Variants in BCAP31 observed in about 807,000 individuals in gnomAD.
BCAP31 encodes the protein B-cell receptor-associated protein 31.
For synonymous variants in BCAP31, 75 were observed against 80.9 expected (o/e 0.93, Z 0.39); for missense variants, 124 against 193.0 (o/e 0.64, Z 2.12).
At chrX:153,710,120 G>C (rs1274424099) in intron 4 of BCAP31, among the ~76,000 whole-genome samples, 1 of 112,111 alleles carries the variant, frequency 8.9e-6, no homozygotes, top group Non-Finnish European at 1.9e-5. Flanking sequence ...TGTGTTACGT[G>C]AGGCTCTCCC....
intron 1 of BCAP31, chrX:153,723,620 A>G (rs1557051585): frequency 2.6e-6 from 3 of 1,166,750 alleles, no homozygotes; most frequent in African/African-American, 1.8e-5. Flanking sequence ...GTTCTTCGGG[A>G]AGAGCAGTGC....
chrX:153,711,566 C>T (rs1450900648), intron 4 of BCAP31, among the ~76,000 whole-genome samples: 1 of 112,228 alleles, frequency 8.9e-6, no homozygotes, highest in East Asian at 2.8e-4. Context: ...TGAGTACCTG[C>T]TCGCGTTCAA....
Position 153,715,784 on chromosome X carries a change from C to T in BCAP31, c.194-95G>A. 1.5e-5 allele frequency: 15 copies of T among 1,003,867 alleles called. No individual in the cohort carries two copies. In the South Asian group the frequency reaches 3.1e-4, roughly 21 times the overall value. 82.7% of individuals were successfully genotyped at this position (1,003,867 alleles called of 1,213,427 possible). A position where few individuals can be genotyped will look rare whatever the true frequency, so the allele number is the denominator to read the frequency against. ...GACAGGCGGCATGAGACAGGTCAGA[C>T]TCACTTCCCTCAAATCCGCCTCCCC... is the stretch of plus-strand genomic sequence containing the variant. On this transcript the variant is annotated intron_variant, in intron 3 of 7. Coordinates refer to ENST00000345046, the MANE Select transcript of BCAP31 (RefSeq NM_001256447.2).
At chrX:153,717,149 A>G (rs1184554302) in intron 3 of BCAP31, among the ~76,000 whole-genome samples, 1 of 112,429 alleles carries the variant, frequency 8.9e-6, no homozygotes, top group Non-Finnish European at 1.9e-5. Flanking sequence ...CTTTTATACT[A>G]TATTCCCAGG....
chrX:153,715,511 A>G, intron 4 of BCAP31, 31 bp downstream of exon 4: 1 of 1,206,041 alleles, frequency 8.3e-7, no homozygotes, highest in Non-Finnish European at 1.1e-6. Context: ...GGCTCCTTTC[A>G]CAGCACCTGC....
At chrX:153,716,011 A>C (rs1210669060) in intron 3 of BCAP31, among the ~76,000 whole-genome samples, 3 of 109,810 alleles carry the variant, frequency 2.7e-5, no homozygotes, top group Non-Finnish European at 5.7e-5. Flanking sequence ...TACAAAAAAA[A>C]AAAATTTAGC....
chrX:153,720,979 A>G lies in BCAP31; in HGVS notation c.93-7T>C, dbSNP rs1180153884. The G allele has an allele frequency of 1.7e-6, 2 of 1,204,770 alleles. No homozygotes were observed. Among genetic ancestry groups the G allele is most frequent in the South Asian group, 1.8e-5 (1 of 56,673 alleles). On this transcript the variant is annotated splice_region_variant and splice_polypyrimidine_tract_variant and intron_variant, in intron 2 of 7. Coordinates refer to ENST00000345046, the MANE Select transcript of BCAP31 (RefSeq NM_001256447.2). The stretch of plus-strand genomic sequence containing the variant: ...CTTGAAAATCTTCTGCCATCTGTGA[A>G]GAAGACAAAAAGGACAGGAGTTGAA...
chrX:153,721,064 C>G, intron 2 of BCAP31, 92 bp from the exon 3 acceptor site: 1 of 751,816 alleles, frequency 1.3e-6, no homozygotes, highest in South Asian at 2.6e-5. Context: ...GCTTTGTACT[C>G]TTCTCCAATG....
chrX:153,720,873 G>A lies in BCAP31; in HGVS notation c.192C>T (p.Ile64=), dbSNP rs782139553. The A allele has an allele frequency of 3.9e-4, 476 of 1,209,278 alleles. 1 individual carries two copies. The South Asian group carries it at 7.9e-3, about 20-fold the overall frequency. The part of the protein sequence containing the change: ...VLIVILVLLV[I]DAVREIRKYD... ...TGCCCTCAGCCATAGCTCACTCACC[G>A]ATGACCAACAGCACAAGGATGACAA... The change falls in exon 3 of 8, where the codon ATC becomes ATT. Residue 64 remains isoleucine, a splice_region_variant and synonymous_variant. Coordinates refer to ENST00000345046, the MANE Select transcript of BCAP31 (RefSeq NM_001256447.2).
chrX:153,716,024 G>A (rs1023196691), intron 3 of BCAP31, among the ~76,000 whole-genome samples: 2 of 109,810 alleles, frequency 1.8e-5, no homozygotes, highest in East Asian at 2.9e-4. Context: ...AATTTAGCCC[G>A]GCGTGGTGGT....
chrX:153,701,889 G>T (rs1349146087), intron 7 of BCAP31, 118 bp downstream of exon 7: 7 of 607,118 alleles, frequency 1.2e-5, no homozygotes, highest in Non-Finnish European at 1.8e-5. Flanking sequence ...TGGCCAGGGG[G>T]AGTGGTGGAG....
chrX:153,707,320 C>G (rs1182824635), intron 4 of BCAP31, among the ~76,000 whole-genome samples: 1 of 109,647 alleles, frequency 9.1e-6, no homozygotes, highest in Non-Finnish European at 1.9e-5. Context: ...CTCTGCACTC[C>G]CATACCTGGC....
intron 4 of BCAP31, among the ~76,000 whole-genome samples, chrX:153,708,550 G>A (rs1276643997): frequency 5.3e-5 from 6 of 112,929 alleles, no homozygotes; most frequent in Non-Finnish European, 9.4e-5. Context: ...GTGTCCCAGC[G>A]CCACCTGCTG....
chrX:153,702,801 TG>T, intron 6 of BCAP31, 133 bp downstream of exon 6: 1 of 928,959 alleles, frequency 1.1e-6, no homozygotes, highest in South Asian at 2.4e-5. Context: ...AGGGTGCTAT[TG>T]GTCTGTTTTC....
chrX:153,713,881 CTTTTTTTTTT>C (rs1209475410), intron 4 of BCAP31, among the ~76,000 whole-genome samples: 1 of 63,532 alleles, frequency 1.6e-5, no homozygotes, highest in Non-Finnish European at 2.8e-5. Context: ...CGATACTATT[CTTTTTTTTTT>C]TTTTTTTTTT....
At chrX:153,720,784 G>T (rs782023999) in intron 3 of BCAP31, 88 bp downstream of exon 3, 118 of 881,978 alleles carry the variant, frequency 1.3e-4, no homozygotes, top group Non-Finnish European at 1.7e-4. Flanking sequence ...AGCCAAAACT[G>T]GATGCTACAC....
intron 4 of BCAP31, among the ~76,000 whole-genome samples, chrX:153,705,974 C>T (rs1199730903): frequency 3.6e-5 from 4 of 112,108 alleles, no homozygotes; most frequent in Non-Finnish European, 7.5e-5. Context: ...CTTTTCGGAC[C>T]GTCCCAGGCC....
At chrX:153,715,314 G>T in intron 4 of BCAP31, 1 of 437,652 alleles carries the variant, frequency 2.3e-6, no homozygotes, top group East Asian at 3.8e-5. Flanking sequence ...TATGTGGTGT[G>T]TGAGGGTCTT....
intron 1 of BCAP31, chrX:153,723,794 C>A: frequency 1.2e-6 from 1 of 848,798 alleles, no homozygotes; most frequent in Non-Finnish European, 1.6e-6. Flanking sequence ...CGCCTCCCAC[C>A]GTCCCCACGG....
Sources: allele counts gnomAD v4.1 joint callset (sites outside exome capture counted in the v4.1 genomes callset), GRCh38; gene constraint gnomAD v4.1.1; transcripts MANE v1.5; gene names NCBI Gene and HGNC (gene_info 2026-07-23, HGNC 2026-07-21).